Variants in GRAMD4 observed in about 807,000 individuals in gnomAD.
GRAMD4 encodes the protein GRAM domain containing 4.
A neutral mutation model predicts 83.9 loss-of-function variants in GRAMD4; 25 were observed. That is an observed-to-expected ratio of 0.30 (90% CI 0.22 to 0.42). The LOEUF is 0.42. Among genes scored for constraint, GRAMD4 ranks in the 10% least tolerant of loss-of-function variants. The pLI is 1.00. For missense variants in GRAMD4, 593 were observed against 788.7 expected (o/e 0.75, Z 2.97); for synonymous variants, 336 against 320.9 (o/e 1.05, Z -0.50).
intron 1 of GRAMD4, among the ~76,000 whole-genome samples, chr22:46,591,458 A>G (rs2081206933): frequency 6.6e-6 from 1 of 152,054 alleles, no homozygotes; most frequent in Admixed American, 6.5e-5. Context: ...AGATTTACCA[A>G]ATTCATTTGG....
At chr22:46,661,482 T>C in intron 5 of GRAMD4, 40 bp downstream of exon 5, 1 of 1,304,624 alleles carries the variant, frequency 7.7e-7, no homozygotes, top group Non-Finnish European at 1.1e-6. Flanking sequence ...GGCGGGCGGG[T>C]GGGTGGCTGC....
rs747052077 is a variant in GRAMD4 at position 46,648,060 on chromosome 22, G to A, written c.283+10100G>A. ...GGATGCTCAGCGCACAACTTTATGT[G>A]TGTCTATATGGATGGATGGATGGCT... On this transcript the variant is annotated intron_variant, in intron 3 of 18. Transcript: ENST00000406902. Among the ~76,000 whole-genome samples, 5 of 152,242 alleles carry A rather than the reference G, an allele frequency of 3.3e-5. No homozygotes were observed. The South Asian group carries it at 6.2e-4, about 19-fold the overall frequency.
At chr22:46,579,235 A>G (rs2081074394) in intron 1 of GRAMD4, among the ~76,000 whole-genome samples, 1 of 152,108 alleles carries the variant, frequency 6.6e-6, no homozygotes, top group African/African-American at 2.4e-5. Flanking sequence ...TCTCCAAACC[A>G]CCAGCCTTCC....
At chr22:46,657,059 C>T (rs1306521849) in intron 3 of GRAMD4, among the ~76,000 whole-genome samples, 1 of 152,240 alleles carries the variant, frequency 6.6e-6, no homozygotes, top group African/African-American at 2.4e-5. Context: ...AGCATTGTTC[C>T]ACCTGAACTT....
rs1359182645 is a variant in GRAMD4, at chr22:46,622,612, G to A, written c.-50+2047G>A. 1.3e-5 allele frequency among the ~76,000 whole-genome samples: 2 copies of A among 152,136 alleles called. No individual in the cohort carries two copies. Among genetic ancestry groups the A allele is most frequent in the East Asian group, 1.9e-4 (1 of 5,180 alleles). On this transcript the variant is annotated intron_variant, in intron 1 of 18. Transcript: ENST00000406902. This position sits in a 1 kb window ranked among gnomAD's most constrained non-coding sequence, Gnocchi z 4.0. ...TGTAATTTATGCCACGGAGCTGCAC[G>A]CTAAAAACTGGTGAAGTTGGGCTGA...
intron 1 of GRAMD4, among the ~76,000 whole-genome samples, chr22:46,590,198 C>T (rs1320334436): frequency 6.6e-6 from 1 of 152,202 alleles, no homozygotes; most frequent in South Asian, 2.1e-4. Context: ...CTGTGCCCTG[C>T]GTGCCTCCTG....
chr22:46,625,000 A>G (rs2081634138), intron 1 of GRAMD4, among the ~76,000 whole-genome samples: 1 of 151,720 alleles, frequency 6.6e-6, no homozygotes, highest in Non-Finnish European at 1.5e-5. Context: ...AGCTGGGACT[A>G]CAGGCGCCCA....
At chr22:46,640,115 C>A (rs1436432705) in intron 3 of GRAMD4, among the ~76,000 whole-genome samples, 1 of 152,214 alleles carries the variant, frequency 6.6e-6, no homozygotes, top group African/African-American at 2.4e-5. Context: ...GAGAGCATAG[C>A]TCAGCAGACG....
At chr22:46,643,180 C>CCTGG (rs150925202) in intron 3 of GRAMD4, among the ~76,000 whole-genome samples, 3 of 115,110 alleles carry the variant, frequency 2.6e-5, no homozygotes, top group Non-Finnish European at 5.4e-5. Flanking sequence ...TCCATCCATC[C>CCTGG]ATCCATCCAT....
Position 46,678,457 on chromosome 22 carries a change from G to T in GRAMD4, c.*1206G>T. Reference sequence around the variant, plus strand: ...TCCCGGGAACAAGGTGGCATTTGTGGAGGGAGCGCCCGCAGGCCTGGTCTG... The same window carrying T: ...TCCCGGGAACAAGGTGGCATTTGTGTAGGGAGCGCCCGCAGGCCTGGTCTG... On this transcript the variant is annotated 3_prime_UTR_variant, in exon 19 of 19. Transcript: ENST00000406902. 1.0e-6 allele frequency: 1 copy of T among 985,434 alleles called. No homozygotes were observed. Among genetic ancestry groups the T allele is most frequent in the Non-Finnish European group, 1.2e-6 (1 of 829,954 alleles). The allele number at this position is 985,434 out of a possible 1,614,324, so 61.0% of individuals were successfully genotyped here.
At chr22:46,597,711 G>A (rs529485134) in intron 1 of GRAMD4, among the ~76,000 whole-genome samples, 12 of 151,898 alleles carry the variant, frequency 7.9e-5, no homozygotes, top group Non-Finnish European at 1.3e-4. Context: ...GGATGGTCTC[G>A]ATCTCCTGAC....
At chr22:46,578,629 G>A (rs2081068155) in intron 1 of GRAMD4, among the ~76,000 whole-genome samples, 1 of 152,196 alleles carries the variant, frequency 6.6e-6, no homozygotes, top group Non-Finnish European at 1.5e-5. Context: ...CCCATTTGGG[G>A]ATGCACAGTC....
At chr22:46,595,270 T>A (rs2081250598) in intron 1 of GRAMD4, among the ~76,000 whole-genome samples, 1 of 152,204 alleles carries the variant, frequency 6.6e-6, no homozygotes, top group Non-Finnish European at 1.5e-5. Context: ...CTCAGGGTTC[T>A]GGAACAATCC....
At chr22:46,665,764 C>G (rs2082399169) in intron 9 of GRAMD4, 58 bp downstream of exon 9, 1 of 920,838 alleles carries the variant, frequency 1.1e-6, no homozygotes, top group African/African-American at 1.6e-5. Flanking sequence ...GCTGTGCTGT[C>G]TCCCTGCGTC....
At chr22:46,649,819 G>A (rs1013920081) in intron 3 of GRAMD4, among the ~76,000 whole-genome samples, 8 of 152,220 alleles carry the variant, frequency 5.3e-5, no homozygotes, top group African/African-American at 1.7e-4. Flanking sequence ...GGAATTCTCT[G>A]TTTTCCCTGA....
chr22:46,646,302 T>C (rs1432119167), intron 3 of GRAMD4, among the ~76,000 whole-genome samples: 1 of 152,202 alleles, frequency 6.6e-6, no homozygotes, highest in Non-Finnish European at 1.5e-5. Context: ...CCTGAGCCCC[T>C]GATGCTCCCA....
intron 2 of GRAMD4, among the ~76,000 whole-genome samples, chr22:46,636,291 T>C (rs2081886993): frequency 6.6e-6 from 1 of 152,188 alleles, no homozygotes; most frequent in Non-Finnish European, 1.5e-5. Context: ...CCCATGCCTG[T>C]TCCTCATCTG....
chr22:46,677,898 C>T lies in GRAMD4; in HGVS notation c.*647C>T. On this transcript the variant is annotated 3_prime_UTR_variant, in exon 19 of 19. Transcript: ENST00000406902. Reference sequence around the variant, plus strand: ...GAACAGAGAGGGTGAGAAGGGCCCACCCCTCGCCTGCCCTCAGTGTCTTTG... The same window carrying T: ...GAACAGAGAGGGTGAGAAGGGCCCATCCCTCGCCTGCCCTCAGTGTCTTTG... 1 of 985,150 alleles carries T rather than the reference C, an allele frequency of 1.0e-6. No individual in the cohort carries two copies. Among genetic ancestry groups the T allele is most frequent in the Non-Finnish European group, 1.2e-6 (1 of 829,616 alleles). The allele number at this position is 985,150 out of a possible 1,614,324, so 61.0% of individuals were successfully genotyped here.
chr22:46,637,675 A>T (rs2081911225), intron 2 of GRAMD4, among the ~76,000 whole-genome samples, 165 bp from the exon 3 acceptor site: 1 of 152,142 alleles, frequency 6.6e-6, no homozygotes, highest in African/African-American at 2.4e-5. Context: ...CCGTCGCCCC[A>T]TCTGACTGCT....
Sources: gnomAD v4.1 joint callset for allele counts (sites outside exome capture counted in the v4.1 genomes callset) on GRCh38, gnomAD v4.1.1 for gene constraint, Gnocchi (gnomAD v3.1) non-coding constraint, MANE v1.5 for transcripts, NCBI Gene and HGNC (gene_info 2026-07-23, HGNC 2026-07-21) for gene names.